The following LYPD8 variants were observed in gnomAD, a reference collection of about 807,000 sequenced individuals.
The protein encoded by LYPD8 is ly6/PLAUR domain-containing protein 8.
Under a neutral mutation model 1.7 loss-of-function variants are expected in LYPD8, and 8 were observed. The ratio of observed to expected loss-of-function variants is 4.58; its 90% CI spans 2.69 to 8.27. The LOEUF (loss-of-function observed/expected upper bound fraction) is 8.27, where lower values mean the gene tolerates loss of function less well. Ranked by LOEUF, LYPD8 falls within the 30% of genes most tolerant of loss-of-function variation. The pLI, the probability that LYPD8 is intolerant of heterozygous loss-of-function variation, is 0.00. For missense variants in LYPD8, 112 were observed against 102.3 expected (o/e 1.09, Z -0.41); for synonymous variants, 50 against 43.6 (o/e 1.15, Z -0.58).
intron 2 of LYPD8, among the ~76,000 whole-genome samples, chr1:248,754,039 T>C (rs1662885324): frequency 7.6e-6 from 1 of 131,954 alleles, no homozygotes; most frequent in Non-Finnish European, 1.6e-5. Context: ...ACACCACACA[T>C]CACATGTCAC....
chr1:248,752,021 G>C (rs1179890382), intron 2 of LYPD8, among the ~76,000 whole-genome samples: 2 of 152,144 alleles, frequency 1.3e-5, no homozygotes, highest in Admixed American at 6.5e-5. Context: ...AAGCAGGAGA[G>C]AGCAGGTGTG....
intron 2 of LYPD8, among the ~76,000 whole-genome samples, chr1:248,754,176 G>A (rs1662887786): frequency 7.2e-6 from 1 of 139,842 alleles, no homozygotes; most frequent in African/African-American, 2.7e-5. Flanking sequence ...ACACACATTA[G>A]GTACACACCG....
chr1:248,744,812 C>T (rs1022181556), intron 6 of LYPD8, among the ~76,000 whole-genome samples: 2 of 151,344 alleles, frequency 1.3e-5, no homozygotes, highest in African/African-American at 4.9e-5. Flanking sequence ...AGTTGCACCA[C>T]CCTCACCTAT....
At chr1:248,750,472 C>G in intron 4 of LYPD8, 52 bp downstream of exon 4, 1 of 398,552 alleles carries the variant, frequency 2.5e-6, no homozygotes, top group Non-Finnish European at 4.4e-6. Context: ...CTCTCCAGCT[C>G]CCTCCCGGTG....
intron 5 of LYPD8, among the ~76,000 whole-genome samples, chr1:248,746,486 G>A (rs1662727892): frequency 1.3e-5 from 2 of 152,242 alleles, no homozygotes; most frequent in South Asian, 4.1e-4. Flanking sequence ...GTCCACCCAA[G>A]GGAAAGGAGA....
intron 2 of LYPD8, among the ~76,000 whole-genome samples, chr1:248,751,555 C>T (rs1662803058): frequency 6.6e-6 from 1 of 152,172 alleles, no homozygotes; most frequent in South Asian, 2.1e-4. Context: ...GGTTCTGTTG[C>T]TGCCACCACC....
chr1:248,744,905 G>A (rs1365684477), intron 6 of LYPD8, among the ~76,000 whole-genome samples: 2 of 152,200 alleles, frequency 1.3e-5, no homozygotes, highest in Admixed American at 1.3e-4. Context: ...ACAAGCCACA[G>A]GAGAATAGAG....
intron 2 of LYPD8, among the ~76,000 whole-genome samples, chr1:248,753,708 A>C (rs1262454399): frequency 1.5e-5 from 2 of 137,576 alleles, no homozygotes; most frequent in East Asian, 2.3e-4. Context: ...CACACACCCC[A>C]CACACACACG....
intron 2 of LYPD8, among the ~76,000 whole-genome samples, chr1:248,752,813 ACAC>A (rs1662833033): frequency 2.2e-5 from 2 of 92,058 alleles, no homozygotes; most frequent in Non-Finnish European, 4.1e-5. Context: ...CACAACACAC[ACAC>A]ATCACATCAC....
chr1:248,748,749 T>A (rs1160259075), intron 4 of LYPD8, among the ~76,000 whole-genome samples: 2 of 152,108 alleles, frequency 1.3e-5, no homozygotes. Context: ...CTTCAATAAG[T>A]CTTAAGAGCT....
In LYPD8 at chr1:248,739,594, A is replaced by T; in HGVS notation, c.*17T>A. On this transcript the variant is annotated 3_prime_UTR_variant, in exon 7 of 7. Transcript: ENST00000590317. This position sits in a 1 kb window ranked among gnomAD's most constrained non-coding sequence, Gnocchi z 4.3. ...GAAGCAGAAATGGGGTGCTGGGCAA[A>T]GTGCAGCCCCAGGACCTCAGGGCAG... 6.4e-7 allele frequency: 1 copy of T among 1,550,734 alleles called. No homozygotes were observed. The highest frequency in any genetic ancestry group is 8.7e-7 in the Non-Finnish European group (1 of 1,146,944).
chr1:248,744,974 C>T (rs1372690718), intron 6 of LYPD8, among the ~76,000 whole-genome samples, 168 bp downstream of exon 6: 3 of 152,056 alleles, frequency 2.0e-5, no homozygotes, highest in Admixed American at 6.6e-5. Flanking sequence ...GCAATAGCAG[C>T]GAGCTCAAGG....
intron 2 of LYPD8, among the ~76,000 whole-genome samples, chr1:248,752,794 AC>A (rs1662831211): frequency 4.9e-5 from 3 of 61,492 alleles, no homozygotes; most frequent in Non-Finnish European, 6.1e-5. Context: ...CCACACACAC[AC>A]CACACCCCAC....
chr1:248,752,094 G>A (rs1313387524), intron 2 of LYPD8, among the ~76,000 whole-genome samples: 1 of 152,050 alleles, frequency 6.6e-6, no homozygotes, highest in Non-Finnish European at 1.5e-5. Context: ...TCGCTGTGAG[G>A]CACACATAGT....
chr1:248,741,407 A>T (rs529142596), intron 6 of LYPD8, among the ~76,000 whole-genome samples: 3 of 152,282 alleles, frequency 2.0e-5, no homozygotes, highest in Admixed American at 6.5e-5. Flanking sequence ...GGGTTTCACC[A>T]TGTTGGCCAG....
intron 6 of LYPD8, among the ~76,000 whole-genome samples, chr1:248,743,224 G>C (rs540680048): frequency 6.6e-6 from 1 of 152,152 alleles, no homozygotes; most frequent in East Asian, 1.9e-4. Context: ...CAGCACCTTC[G>C]GAGACCGAGG....
intron 5 of LYPD8, among the ~76,000 whole-genome samples, chr1:248,746,162 A>G (rs1306458121): frequency 3.9e-5 from 6 of 152,248 alleles, no homozygotes; most frequent in African/African-American, 1.4e-4. Context: ...ACTAGTTACA[A>G]TTTGTAAATA....
chr1:248,744,337 G>A (rs1335155430), intron 6 of LYPD8, among the ~76,000 whole-genome samples: 1 of 152,222 alleles, frequency 6.6e-6, no homozygotes, highest in African/African-American at 2.4e-5. Context: ...AAGAGCCAGG[G>A]CTGGGAGGAC....
chr1:248,752,014 C>G (rs1379816499), intron 2 of LYPD8, among the ~76,000 whole-genome samples: 1 of 152,132 alleles, frequency 6.6e-6, no homozygotes, highest in East Asian at 1.9e-4. Context: ...TGTATCAAAG[C>G]AGGAGAGAGC....
Sources: gnomAD v4.1 joint callset for allele counts (sites outside exome capture counted in the v4.1 genomes callset) on GRCh38, gnomAD v4.1.1 for gene constraint, Gnocchi (gnomAD v3.1) non-coding constraint, MANE v1.5 for transcripts, NCBI Gene and HGNC (gene_info 2026-07-23, HGNC 2026-07-21) for gene names.